CDIP1: variants seen among roughly 807,000 people sequenced by gnomAD.
The protein encoded by CDIP1 is cell death-inducing p53-target protein 1.
Under a neutral mutation model 17.7 loss-of-function variants are expected in CDIP1, and 9 were observed. The ratio of observed to expected loss-of-function variants is 0.51; its 90% confidence interval spans 0.31 to 0.89. The LOEUF (loss-of-function observed/expected upper bound fraction) is 0.89. CDIP1 is among the 40% of genes least tolerant of loss of function. CDIP1 has a pLI of 0.05. For missense variants in CDIP1, 263 were observed against 277.9 expected (o/e 0.95, Z 0.38); for synonymous variants, 117 against 109.5 (o/e 1.07, Z -0.43).
chr16:4,528,629 CATG>C (rs1157679362), intron 1 of CDIP1, among the ~76,000 whole-genome samples: 1 of 132,232 alleles, frequency 7.6e-6, no homozygotes, highest in African/African-American at 2.8e-5. Flanking sequence ...TGCAGTAAGC[CATG>C]ATTGCACCGC....
intron 1 of CDIP1, among the ~76,000 whole-genome samples, chr16:4,535,632 C>T (rs951044790): frequency 2.6e-5 from 4 of 152,252 alleles, no homozygotes; most frequent in Non-Finnish European, 4.4e-5. Flanking sequence ...GAGGTCTCCA[C>T]GTCTAGGCAG....
chr16:4,534,537 A>G (rs994389748), intron 1 of CDIP1, among the ~76,000 whole-genome samples: 4 of 152,192 alleles, frequency 2.6e-5, no homozygotes, highest in African/African-American at 9.6e-5. Context: ...CAAGTCACTT[A>G]GACACTCTGG....
At chr16:4,525,074 T>C (rs1395680006) in intron 1 of CDIP1, among the ~76,000 whole-genome samples, 1 of 152,192 alleles carries the variant, frequency 6.6e-6, no homozygotes, top group African/African-American at 2.4e-5. Flanking sequence ...CACTCTAGCC[T>C]GGGCAACAGA....
chr16:4,531,018 C>T (rs1186740938), intron 1 of CDIP1, among the ~76,000 whole-genome samples: 2 of 151,862 alleles, frequency 1.3e-5, no homozygotes, highest in Non-Finnish European at 2.9e-5. Context: ...ATGATTGGGA[C>T]TGCCATCTGC....
chr16:4,536,341 T>C (rs2059105753), intron 1 of CDIP1: 1 of 152,090 alleles, frequency 6.6e-6, no homozygotes, highest in Non-Finnish European at 1.5e-5. Context: ...CGGCCTCTAG[T>C]CCATCAACAC....
chr16:4,516,377 C>T (rs1012591758), intron 1 of CDIP1, among the ~76,000 whole-genome samples: 1 of 152,128 alleles, frequency 6.6e-6, no homozygotes, highest in Non-Finnish European at 1.5e-5. Context: ...CTGAATTGTA[C>T]ACTTTAAATG....
intron 1 of CDIP1, among the ~76,000 whole-genome samples, chr16:4,517,859 G>A (rs1297577697): frequency 6.6e-6 from 1 of 152,182 alleles, no homozygotes. Flanking sequence ...CAGGGGAGAA[G>A]AGGGCAGCCT....
chr16:4,523,204 A>G (rs1031603443), intron 1 of CDIP1, among the ~76,000 whole-genome samples: 3 of 152,174 alleles, frequency 2.0e-5, no homozygotes, highest in African/African-American at 7.2e-5. Flanking sequence ...TCCGTGCCAG[A>G]TACAGGCTGG....
Position 4,522,941 on chromosome 16 carries a change from G to A in CDIP1, c.-104-8277C>T, listed in dbSNP as rs555179611. On this transcript the variant is annotated intron_variant, in intron 1 of 5. Coordinates refer to ENST00000567695, the MANE Select transcript of CDIP1 (RefSeq NM_013399.3). ...TTAGTTCAAACCCACCTTGGAGGGCGGTGTGAGAATTAAGTAAGGCATGGA... is the reference window on the plus strand; with the variant it reads ...TTAGTTCAAACCCACCTTGGAGGGCAGTGTGAGAATTAAGTAAGGCATGGA... Among the ~76,000 whole-genome samples the A allele has an allele frequency of 1.7e-4, 26 of 152,320 alleles. 1 individual carries two copies. In the South Asian group the frequency reaches 3.7e-3, roughly 22 times the overall value.
chr16:4,516,886 T>C (rs2058894210), intron 1 of CDIP1, among the ~76,000 whole-genome samples: 1 of 151,940 alleles, frequency 6.6e-6, no homozygotes, highest in South Asian at 2.1e-4. Flanking sequence ...TTTTGTATTT[T>C]TTTAGTAGAG....
At chr16:4,535,591 C>A (rs1215589798) in intron 1 of CDIP1, among the ~76,000 whole-genome samples, 1 of 152,250 alleles carries the variant, frequency 6.6e-6, no homozygotes, top group Non-Finnish European at 1.5e-5. Context: ...GCCAGCAAGG[C>A]CTGTCTGTCA....
chr16:4,513,643 CA>C lies in CDIP1; in HGVS notation c.241+52del. ...TGTACTGAGGACAGCCAGCGCAGGC[CA>C]GACAGCAGCCAGGAGTTCCCCATGC... On this transcript the variant is annotated intron_variant, in intron 4 of 5. Transcript: ENST00000567695. The surrounding 1 kb of genome is among the most constrained non-coding windows in gnomAD (Gnocchi z 4.1). The C allele has an allele frequency of 6.5e-7, 1 of 1,542,024 alleles. No homozygotes were observed. The highest frequency in any genetic ancestry group is 2.3e-5 in the East Asian group (1 of 44,354).
At chr16:4,515,051 C>A (rs990232877) in intron 1 of CDIP1, 31 of 152,484 alleles carry the variant, frequency 2.0e-4, no homozygotes, top group African/African-American at 7.0e-4. Flanking sequence ...TCATTTCTGT[C>A]ACCAAACTCT....
At chr16:4,528,683 C>CACAAAAAAAAAAAAA (rs1555501960) in intron 1 of CDIP1, among the ~76,000 whole-genome samples, 2 of 50,936 alleles carry the variant, frequency 3.9e-5, no homozygotes, top group African/African-American at 1.7e-4. Context: ...AACCCTGTCT[C>CACAAAAAAAAAAAAA]AAAAAAAAAA....
intron 1 of CDIP1, among the ~76,000 whole-genome samples, chr16:4,521,871 G>C (rs993585071): frequency 6.6e-6 from 1 of 152,176 alleles, no homozygotes; most frequent in Non-Finnish European, 1.5e-5. Context: ...AGGTTGAAGA[G>C]AGACTGTGTG....
chr16:4,512,853 G>C lies in CDIP1; in HGVS notation c.453C>G (p.Thr151=). The C allele has an allele frequency of 6.4e-7, 1 of 1,562,530 alleles. No individual in the cohort carries two copies. Among genetic ancestry groups the C allele is most frequent in the Non-Finnish European group, 8.7e-7 (1 of 1,152,744 alleles). The change falls in exon 5 of 6, where the codon ACC becomes ACG. Residue 151 remains threonine, a synonymous_variant. Coordinates refer to ENST00000567695, the MANE Select transcript of CDIP1 (RefSeq NM_013399.3). This position sits in a 1 kb window ranked among gnomAD's most constrained non-coding sequence, Gnocchi z 4.6. The part of the protein sequence containing the change: ...VCPHCQQAIT[T]KISYEIGLMN... Reference sequence around the variant, plus strand: ...TCAAGCCAATCTCGTAGGAGATCTTGGTGGTGATGGCCTGCTGGCAGTGGG... The same window carrying C: ...TCAAGCCAATCTCGTAGGAGATCTTCGTGGTGATGGCCTGCTGGCAGTGGG...
At chr16:4,528,906 T>C (rs555536415) in intron 1 of CDIP1, among the ~76,000 whole-genome samples, 22 of 152,076 alleles carry the variant, frequency 1.4e-4, no homozygotes, top group Admixed American at 1.1e-3. Context: ...AAAGAATTAC[T>C]TGAACCCAGG....
At position 4,514,226 on chromosome 16, in the gene CDIP1, T is replaced by C. The variant is rs1447599032; in HGVS notation, c.-14-82A>G. On this transcript the variant is annotated intron_variant, in intron 2 of 5. Coordinates refer to ENST00000567695, the MANE Select transcript of CDIP1 (RefSeq NM_013399.3). This position sits in a 1 kb window ranked among gnomAD's most constrained non-coding sequence, Gnocchi z 5.2. The stretch of plus-strand genomic sequence containing the variant: ...CTTCAGCCCTGTGGGGTGGCCAAGA[T>C]GCTGCACAAGGCGTGTGACCATCCT... 1.3e-6 allele frequency: 1 copy of C among 784,900 alleles called. No homozygotes were observed. The highest frequency in any genetic ancestry group is 1.9e-5 in the African/African-American group (1 of 53,822). 48.6% of individuals were successfully genotyped at this position (784,900 alleles called of 1,614,324 possible).
chr16:4,524,738 T>C lies in CDIP1; in HGVS notation c.-104-10074A>G, dbSNP rs137955422. Among the ~76,000 whole-genome samples, 273 of 152,294 alleles carry C rather than the reference T, an allele frequency of 1.8e-3. 4 individuals are homozygous for C. Among genetic ancestry groups the C allele is most frequent in the African/African-American group, 6.4e-3 (265 of 41,528 alleles). Reference sequence around the variant, plus strand: ...CCACCTCCCACATCTTCCACATGAGTAATAAAACTTGGTTTACTGGTTAAT... The same window carrying C: ...CCACCTCCCACATCTTCCACATGAGCAATAAAACTTGGTTTACTGGTTAAT... On this transcript the variant is annotated intron_variant, in intron 1 of 5. Transcript: ENST00000567695.
Sources: allele counts gnomAD v4.1 joint callset (sites outside exome capture counted in the v4.1 genomes callset), GRCh38; gene constraint gnomAD v4.1.1; non-coding constraint Gnocchi (gnomAD v3.1); transcripts MANE v1.5; gene names NCBI Gene and HGNC (gene_info 2026-07-23, HGNC 2026-07-21).